The following ERAP1 variants were observed in gnomAD, a reference collection of about 807,000 sequenced individuals.
The protein encoded by ERAP1 is endoplasmic reticulum aminopeptidase 1.
ERAP1 carries 86 observed loss-of-function variants against 103.7 expected under a neutral mutation model. The ratio of observed to expected loss-of-function variants is 0.83; its 90% confidence interval spans 0.70 to 0.99. The LOEUF is 0.99. ERAP1 is among the 50% of genes least tolerant of loss of function. The pLI is 0.00. For missense variants in ERAP1, 1,009 were observed against 1,128.4 expected, an observed-to-expected ratio of 0.89 and a Z score of 1.52; for synonymous variants, 398 against 402.4, an observed-to-expected ratio of 0.99 and a Z score of 0.13.
chr5:96,895,201 T>C, the ERAP1 span: 1 of 1,204,870 alleles, frequency 8.3e-7, no homozygotes. Flanking sequence ...AGTTAATAAT[T>C]TTTATTTGTT....
intron 19 of ERAP1, chr5:96,767,391 C>G (rs1232687636): frequency 1.3e-6 from 2 of 1,512,730 alleles, no homozygotes; most frequent in African/African-American, 2.8e-5. Context: ...CCTAAGTAAA[C>G]CTTTACAGAT....
At chr5:96,768,903 G>GT (rs1293701848) in intron 19 of ERAP1, 1 of 154,030 alleles carries the variant, frequency 6.5e-6, no homozygotes, top group Non-Finnish European at 1.4e-5. Flanking sequence ...CTGTGCTTGT[G>GT]TATCACACCA....
the ERAP1 span, among the ~76,000 whole-genome samples, chr5:96,887,622 T>C: frequency 7.4e-4 from 112 of 152,294 alleles, 1 homozygote; most frequent in Non-Finnish European, 1.4e-3. Flanking sequence ...TTTTTATAAC[T>C]TTTTTCCCTC....
chr5:96,764,644 G>A (rs556000958), intron 19 of ERAP1, among the ~76,000 whole-genome samples: 5 of 152,088 alleles, frequency 3.3e-5, no homozygotes, highest in Non-Finnish European at 7.4e-5. Flanking sequence ...GCAGTGCCGA[G>A]CTCCATGGCT....
chr5:96,772,542 T>A (rs149231398), downstream of ERAP1: 7 of 152,876 alleles, frequency 4.6e-5, 1 homozygote, highest in African/African-American at 1.7e-4. Context: ...CTTCTGTCTG[T>A]TATACAATGC....
At chr5:96,786,194 G>C (rs1775968461) in intron 12 of ERAP1, among the ~76,000 whole-genome samples, 1 of 152,140 alleles carries the variant, frequency 6.6e-6, no homozygotes, top group South Asian at 2.1e-4. Context: ...TGAAAAGAAT[G>C]GCAACTACAT....
At chr5:96,783,258 CAG>C (rs770606493) in intron 14 of ERAP1, 23 bp from the exon 15 acceptor site, 3 of 1,598,384 alleles carry the variant, frequency 1.9e-6, no homozygotes, top group Non-Finnish European at 2.6e-6. Flanking sequence ...TACAGGGAAA[CAG>C]GGACCAGTAT....
the ERAP1 span, chr5:96,895,172 CTA>C: frequency 1.2e-6 from 1 of 818,472 alleles, no homozygotes. Context: ...AAGTTAGTAA[CTA>C]TTGTATTTTT....
At chr5:96,828,992 A>C in the ERAP1 span, among the ~76,000 whole-genome samples, 1 of 152,086 alleles carries the variant, frequency 6.6e-6, no homozygotes, top group East Asian at 1.9e-4. Flanking sequence ...GATTACAGGC[A>C]CACACCACCA....
At chr5:96,787,839 C>T (rs1482704842) in intron 11 of ERAP1, among the ~76,000 whole-genome samples, 4 of 150,180 alleles carry the variant, frequency 2.7e-5, no homozygotes, top group East Asian at 2.0e-4. Context: ...TATATACACA[C>T]ACACATATAT....
At chr5:96,885,748 G>A in the ERAP1 span, among the ~76,000 whole-genome samples, 9 of 152,170 alleles carry the variant, frequency 5.9e-5, no homozygotes, top group African/African-American at 2.2e-4. Context: ...TGAAGAAAAT[G>A]TTTTCAGATT....
chr5:96,781,740 T>G lies in ERAP1; in HGVS notation c.2400A>C (p.Gln800His). The G allele has an allele frequency of 6.2e-7, 1 of 1,614,232 alleles. No individual in the cohort carries two copies. Among genetic ancestry groups the G allele is most frequent in the Non-Finnish European group, 8.5e-7 (1 of 1,180,032 alleles). Residue 800 changes from glutamine (Q) to histidine (H), a missense_variant, in exon 16 of 19, where the codon CAA becomes CAC. Physicochemically the swap from Gln to His is conservative, Grantham distance 24 (BLOSUM62 0). Coordinates refer to ENST00000443439, the MANE Select transcript of ERAP1 (RefSeq NM_001040458.3). Reference sequence around the variant, plus strand: ...GGGTTCTGCAGAGGGCAAATTCAATTTGGCTTTTCTCAGTACTGGACAAAG... The same window carrying G: ...GGGTTCTGCAGAGGGCAAATTCAATGTGGCTTTTCTCAGTACTGGACAAAG... Reference protein sequence around the residue: ...QFSLSSTEKSQIEFALCRTQN... With the variant: ...QFSLSSTEKSHIEFALCRTQN...
the ERAP1 span, chr5:96,896,265 T>G: frequency 1.2e-6 from 1 of 840,440 alleles, no homozygotes; most frequent in Non-Finnish European, 1.8e-6. Flanking sequence ...CCAAGAAATA[T>G]CGATTGAAAT....
chr5:96,923,629 G>A, the ERAP1 span, among the ~76,000 whole-genome samples: 1 of 151,026 alleles, frequency 6.6e-6, no homozygotes. Flanking sequence ...AGGAGGCAGA[G>A]CTTGCAGTGA....
chr5:96,844,579 C>T, the ERAP1 span, among the ~76,000 whole-genome samples: 1 of 152,180 alleles, frequency 6.6e-6, no homozygotes. Context: ...CTTGCCCAAG[C>T]AAGTAATTTA....
Position 96,774,648 on chromosome 5 carries a change from T to TAAAA in ERAP1, c.*1744_*1747dup. 1 of 984,878 alleles carries TAAAA rather than the reference T, an allele frequency of 1.0e-6. No homozygotes were observed. The highest frequency in any genetic ancestry group is 1.7e-5 in the African/African-American group (1 of 57,356). 61.0% of individuals were successfully genotyped at this position (984,878 alleles called of 1,614,324 possible). A position where few individuals can be genotyped will look rare whatever the true frequency, so the allele number is the denominator to read the frequency against. The stretch of plus-strand genomic sequence containing the variant: ...TTTCCATGTTTCATTAATCAAGGCA[T>TAAAA]AAAATACAATTAAAGCAAAATATTT... On this transcript the variant is annotated 3_prime_UTR_variant, in exon 19 of 19. Coordinates refer to ENST00000443439, the MANE Select transcript of ERAP1 (RefSeq NM_001040458.3).
the ERAP1 span, among the ~76,000 whole-genome samples, chr5:96,906,519 C>A: frequency 6.6e-6 from 1 of 152,170 alleles, no homozygotes; most frequent in Non-Finnish European, 1.5e-5. Flanking sequence ...CCTCCTGCCT[C>A]GGCTTCCCCA....
chr5:96,875,142 G>A, the ERAP1 span, among the ~76,000 whole-genome samples: 1 of 152,140 alleles, frequency 6.6e-6, no homozygotes, highest in Non-Finnish European at 1.5e-5. Flanking sequence ...TGAGAAGCTG[G>A]GAAGACATGA....
the ERAP1 span, among the ~76,000 whole-genome samples, chr5:96,886,400 C>A: frequency 2.0e-5 from 3 of 152,318 alleles, no homozygotes; most frequent in African/African-American, 7.2e-5. Context: ...TTTCAATCAA[C>A]AAAATGAGAT....
Sources: gnomAD v4.1 joint callset for allele counts (sites outside exome capture counted in the v4.1 genomes callset) on GRCh38, gnomAD v4.1.1 for gene constraint, MANE v1.5 for transcripts, NCBI Gene and HGNC (gene_info 2026-07-23, HGNC 2026-07-21) for gene names.